The following PRKCQ variants were observed in gnomAD, a reference collection of about 807,000 sequenced individuals.
The protein encoded by PRKCQ is protein kinase C theta.
In PRKCQ, 41 loss-of-function variants were observed where a neutral mutation model predicts 91.2. The observed-to-expected ratio is 0.45, with a 90% confidence interval of 0.35 to 0.58. The LOEUF is 0.58. Among genes scored for constraint, PRKCQ ranks in the 20% least tolerant of loss-of-function variants. PRKCQ has a pLI of 0.00. For synonymous variants in PRKCQ, 307 were observed against 316.9 expected (o/e 0.97, Z 0.33); for missense variants, 673 against 896.5 (o/e 0.75, Z 3.18).
chr10:6,523,580 G>T (rs186489449), intron 1 of PRKCQ, among the ~76,000 whole-genome samples: 1 of 152,152 alleles, frequency 6.6e-6, no homozygotes, highest in Admixed American at 6.5e-5. Flanking sequence ...AGGAGGCTTC[G>T]TGGACAGACC....
chr10:6,563,583 A>G (rs1189399526), intron 1 of PRKCQ, among the ~76,000 whole-genome samples: 5 of 152,046 alleles, frequency 3.3e-5, no homozygotes, highest in Non-Finnish European at 7.4e-5. Context: ...CTCCAATTGC[A>G]GTCTAAGCCC....
intron 1 of PRKCQ, among the ~76,000 whole-genome samples, chr10:6,542,030 C>G (rs938877111): frequency 6.6e-6 from 1 of 152,224 alleles, no homozygotes; most frequent in Non-Finnish European, 1.5e-5. Flanking sequence ...CTTCTCAACA[C>G]GTTCCTCAAC....
chr10:6,409,464 T>A, the PRKCQ span, among the ~76,000 whole-genome samples: 2 of 152,000 alleles, frequency 1.3e-5, no homozygotes, highest in Admixed American at 1.3e-4. Context: ...CTGGCTAACT[T>A]TTGTATTTTT....
chr10:6,466,786 G>A (rs186294699), intron 12 of PRKCQ, among the ~76,000 whole-genome samples: 95 of 152,294 alleles, frequency 6.2e-4, no homozygotes, highest in Non-Finnish European at 1.0e-3. Context: ...CTGCAGAACC[G>A]CAAGCAAAAA....
chr10:6,400,087 C>T, the PRKCQ span, among the ~76,000 whole-genome samples: 6 of 152,204 alleles, frequency 3.9e-5, no homozygotes, highest in African/African-American at 1.2e-4. Context: ...AGAGCAGGAA[C>T]GTGGCCAGAT....
In PRKCQ at chr10:6,430,058, T is replaced by C. The variant is rs188222334; in HGVS notation, c.1965+752A>G. 2.3e-3 allele frequency among the ~76,000 whole-genome samples: 354 copies of C among 152,330 alleles called. 1 individual carries two copies. The highest frequency in any genetic ancestry group is 4.0e-3 in the Non-Finnish European group (272 of 68,020). On this transcript the variant is annotated intron_variant, in intron 17 of 17. Coordinates refer to ENST00000263125, the MANE Select transcript of PRKCQ (RefSeq NM_006257.5). The surrounding 1 kb of genome is among the most constrained non-coding windows in gnomAD (Gnocchi z 4.7). Reference sequence around the variant, plus strand: ...TTAGTAGAGACAAGGTTTCACCATGTTGGCCAGGCTGACCTCGAACTCCTG... The same window carrying C: ...TTAGTAGAGACAAGGTTTCACCATGCTGGCCAGGCTGACCTCGAACTCCTG...
chr10:6,447,550 C>T (rs931329632), intron 15 of PRKCQ, among the ~76,000 whole-genome samples: 11 of 152,254 alleles, frequency 7.2e-5, no homozygotes, highest in East Asian at 1.9e-4. Context: ...GCTTTTGAGA[C>T]GCACTTTAGC....
intron 1 of PRKCQ, among the ~76,000 whole-genome samples, chr10:6,552,014 G>A (rs530960002): frequency 1.8e-3 from 277 of 152,222 alleles, no homozygotes; most frequent in Non-Finnish European, 2.7e-3. Flanking sequence ...ATAGCCATTC[G>A]GACTGGTGTG....
intron 8 of PRKCQ, among the ~76,000 whole-genome samples, chr10:6,490,921 C>T (rs985652431): frequency 2.0e-5 from 3 of 151,440 alleles, no homozygotes; most frequent in Non-Finnish European, 2.9e-5. Context: ...AGTCCTTAAT[C>T]CTAGTGTAAC....
intron 4 of PRKCQ, among the ~76,000 whole-genome samples, chr10:6,500,743 A>G (rs1837861752): frequency 6.6e-6 from 1 of 152,008 alleles, no homozygotes; most frequent in African/African-American, 2.4e-5. Flanking sequence ...TAATCTATTT[A>G]TGTGGTCTAA....
intron 1 of PRKCQ, among the ~76,000 whole-genome samples, chr10:6,530,984 A>G (rs747545148): frequency 6.6e-6 from 1 of 152,200 alleles, no homozygotes; most frequent in Non-Finnish European, 1.5e-5. Context: ...TGAATTCAGA[A>G]AACTATTAAG....
Position 6,460,455 on chromosome 10 carries a change from C to T in PRKCQ, c.1508+1848G>A, listed in dbSNP as rs185163724. Among the ~76,000 whole-genome samples the T allele has an allele frequency of 2.8e-4, 43 of 151,962 alleles. No homozygotes were observed. The East Asian group carries it at 3.3e-3, about 12-fold the overall frequency. On this transcript the variant is annotated intron_variant, in intron 14 of 17. Transcript: ENST00000263125. ...CTCTGTCTCTCTCTCTCTCCAGTCC[C>T]TCCTAATTTTTATTCCTACTTCCCC...
the PRKCQ span, among the ~76,000 whole-genome samples, chr10:6,401,346 C>G: frequency 6.6e-6 from 1 of 152,152 alleles, no homozygotes; most frequent in Non-Finnish European, 1.5e-5. Flanking sequence ...AAGCTCTGTA[C>G]TCAAATAAAC....
the PRKCQ span, among the ~76,000 whole-genome samples, chr10:6,395,203 A>G: frequency 6.6e-6 from 1 of 151,746 alleles, no homozygotes; most frequent in South Asian, 2.1e-4. Context: ...AGCTGGGACT[A>G]CAGGTGCCTG....
intron 1 of PRKCQ, among the ~76,000 whole-genome samples, chr10:6,539,354 G>A (rs555981486): frequency 1.8e-4 from 28 of 152,168 alleles, no homozygotes; most frequent in Non-Finnish European, 3.2e-4. Flanking sequence ...CACAGCAGGC[G>A]GTGAGTGACC....
At chr10:6,481,063 A>G (rs1452004536) in intron 11 of PRKCQ, among the ~76,000 whole-genome samples, 4 of 152,256 alleles carry the variant, frequency 2.6e-5, no homozygotes, top group Non-Finnish European at 5.9e-5. Context: ...AAAGAGAAAC[A>G]GCCATCCTGT....
At chr10:6,526,424 T>C (rs988460643) in intron 1 of PRKCQ, among the ~76,000 whole-genome samples, 1 of 151,574 alleles carries the variant, frequency 6.6e-6, no homozygotes, top group African/African-American at 2.4e-5. Flanking sequence ...GAATATAATA[T>C]GAAATACACC....
At chr10:6,403,157 TG>T in the PRKCQ span, among the ~76,000 whole-genome samples, 1 of 152,238 alleles carries the variant, frequency 6.6e-6, no homozygotes, top group Admixed American at 6.5e-5. Flanking sequence ...CCGGCCCTGC[TG>T]GTCGCTCTCA....
chr10:6,521,906 T>C, intron 1 of PRKCQ, among the ~76,000 whole-genome samples: 1 of 126,412 alleles, frequency 7.9e-6, no homozygotes, highest in Non-Finnish European at 1.9e-5. Context: ...TGTTATGTGA[T>C]GTTATGTTAT....
Sources: gnomAD v4.1 joint callset for allele counts (sites outside exome capture counted in the v4.1 genomes callset) on GRCh38, gnomAD v4.1.1 for gene constraint, Gnocchi (gnomAD v3.1) non-coding constraint, MANE v1.5 for transcripts, NCBI Gene and HGNC (gene_info 2026-07-23, HGNC 2026-07-21) for gene names.